UBTD1: variants seen among roughly 807,000 people sequenced by gnomAD.
UBTD1 encodes the protein ubiquitin domain-containing protein 1.
Under a neutral mutation model 21.7 loss-of-function variants are expected in UBTD1, and 19 were observed. That is an observed-to-expected ratio of 0.87 (90% confidence interval 0.61 to 1.28). UBTD1 has a LOEUF of 1.28. Among genes scored for constraint, UBTD1 ranks in the 50% most tolerant of loss-of-function variants. UBTD1 has a pLI of 0.00. For synonymous variants in UBTD1, 116 were observed against 135.1 expected, an observed-to-expected ratio of 0.86 and a Z score of 0.98; for missense variants, 282 against 315.1, an observed-to-expected ratio of 0.89 and a Z score of 0.80.
chr10:97,520,960 A>G (rs1467134859), intron 1 of UBTD1, among the ~76,000 whole-genome samples: 6 of 152,092 alleles, frequency 3.9e-5, no homozygotes, highest in African/African-American at 2.4e-5. Flanking sequence ...CCTTCTTCCC[A>G]TAGCAGATAT....
chr10:97,554,725 T>A (rs2135682549), intron 1 of UBTD1, among the ~76,000 whole-genome samples: 1 of 152,218 alleles, frequency 6.6e-6, no homozygotes, highest in East Asian at 1.9e-4. Context: ...TAATTTTTTT[T>A]ATTTTTTGTA....
chr10:97,549,255 C>T (rs1196857477), intron 1 of UBTD1, among the ~76,000 whole-genome samples: 2 of 152,242 alleles, frequency 1.3e-5, no homozygotes, highest in Non-Finnish European at 2.9e-5. Context: ...TGGACTCCCA[C>T]CTCCACCCAC....
chr10:97,505,144 A>C lies in UBTD1; in HGVS notation c.70+5871A>C, dbSNP rs114153701. Among the ~76,000 whole-genome samples, 998 of 152,314 alleles carry C rather than the reference A, an allele frequency of 6.6e-3. 13 individuals carry two copies. Among genetic ancestry groups the C allele is most frequent in the African/African-American group, 0.023 (937 of 41,574 alleles). ...GAGGAAGTTAGGTGATGTGGATTCCAGGCATCTCTTACCCATCAACTTGCT... is the reference window on the plus strand; with the variant it reads ...GAGGAAGTTAGGTGATGTGGATTCCCGGCATCTCTTACCCATCAACTTGCT... On this transcript the variant is annotated intron_variant, in intron 1 of 2. Transcript: ENST00000370664.
chr10:97,570,804 C>T lies in UBTD1; in HGVS notation c.*281C>T. 7.2e-6 allele frequency: 3 copies of T among 418,828 alleles called. No homozygotes were observed. Among genetic ancestry groups the T allele is most frequent in the Non-Finnish European group, 1.3e-5 (3 of 229,876 alleles). 25.9% of individuals were successfully genotyped at this position (418,828 alleles called of 1,614,324 possible). On this transcript the variant is annotated 3_prime_UTR_variant, in exon 3 of 3. Transcript: ENST00000370664. This position sits in a 1 kb window ranked among gnomAD's most constrained non-coding sequence, Gnocchi z 6.6. The stretch of plus-strand genomic sequence containing the variant: ...AGCAGGTTCGAGCCACAAGGGCCAA[C>T]CAGGAGGCCCCTGGAGCCCAGATCT...
chr10:97,524,381 A>G (rs1280577479), intron 1 of UBTD1, among the ~76,000 whole-genome samples: 1 of 152,128 alleles, frequency 6.6e-6, no homozygotes, highest in African/African-American at 2.4e-5. Flanking sequence ...GATTACAAGC[A>G]TGAGCCACCA....
chr10:97,562,764 A>G (rs890201909), intron 1 of UBTD1, among the ~76,000 whole-genome samples: 1 of 152,198 alleles, frequency 6.6e-6, no homozygotes, highest in African/African-American at 2.4e-5. Context: ...TCTTTTGTAG[A>G]TCTTCAGTTC....
intron 1 of UBTD1, among the ~76,000 whole-genome samples, chr10:97,504,438 C>T (rs1252920193): frequency 6.6e-6 from 1 of 152,156 alleles, no homozygotes; most frequent in African/African-American, 2.4e-5. Context: ...CTTGTTCAAC[C>T]CCCCGATATC....
intron 1 of UBTD1, among the ~76,000 whole-genome samples, chr10:97,528,099 G>A (rs1418631413): frequency 6.8e-5 from 9 of 132,630 alleles, no homozygotes; most frequent in Admixed American, 5.0e-4. Flanking sequence ...CCTCCCTCCC[G>A]GACGGGGAGG....
intron 1 of UBTD1, among the ~76,000 whole-genome samples, chr10:97,515,688 G>A (rs1038544882): frequency 3.3e-5 from 5 of 152,056 alleles, no homozygotes; most frequent in Non-Finnish European, 7.4e-5. Flanking sequence ...GAGCCCACAC[G>A]GTCCCAAATG....
At chr10:97,509,158 C>T (rs1478639463) in intron 1 of UBTD1, among the ~76,000 whole-genome samples, 1 of 152,186 alleles carries the variant, frequency 6.6e-6, no homozygotes, top group Non-Finnish European at 1.5e-5. Flanking sequence ...ATTTGATCTC[C>T]ACAGCCATCC....
intron 1 of UBTD1, among the ~76,000 whole-genome samples, chr10:97,532,755 T>A (rs1474725886): frequency 6.6e-6 from 1 of 150,534 alleles, no homozygotes; most frequent in East Asian, 1.9e-4. Flanking sequence ...GTGCCACTGC[T>A]CTCCAGCCTG....
intron 1 of UBTD1, among the ~76,000 whole-genome samples, chr10:97,516,962 G>C (rs1019386370): frequency 9.9e-5 from 15 of 152,126 alleles, no homozygotes; most frequent in African/African-American, 3.1e-4. Flanking sequence ...CAGGGCCATG[G>C]AGGTGTGAGG....
chr10:97,566,459 CTG>C (rs2040717477), intron 1 of UBTD1, among the ~76,000 whole-genome samples: 2 of 152,140 alleles, frequency 1.3e-5, no homozygotes, highest in South Asian at 4.1e-4. Flanking sequence ...CTACAGGTAA[CTG>C]TGAATTCAGA....
At chr10:97,531,332 T>G (rs373409909) in intron 1 of UBTD1, among the ~76,000 whole-genome samples, 85 of 151,944 alleles carry the variant, frequency 5.6e-4, no homozygotes, top group African/African-American at 1.9e-3. Context: ...TGCCTCAGCC[T>G]CCTGAGCAGC....
chr10:97,507,231 A>G (rs904109136), intron 1 of UBTD1, among the ~76,000 whole-genome samples: 1 of 152,222 alleles, frequency 6.6e-6, no homozygotes, highest in Non-Finnish European at 1.5e-5. Flanking sequence ...TTGGTTTTAT[A>G]ATAGCCATCC....
intron 1 of UBTD1, among the ~76,000 whole-genome samples, chr10:97,532,875 G>A (rs1337660176): frequency 1.3e-5 from 2 of 152,092 alleles, no homozygotes; most frequent in African/African-American, 4.8e-5. Flanking sequence ...TTCTAATGTT[G>A]TGCTCTTATT....
At chr10:97,534,911 C>A (rs139912282) in intron 1 of UBTD1, among the ~76,000 whole-genome samples, 1 of 152,194 alleles carries the variant, frequency 6.6e-6, no homozygotes, top group Non-Finnish European at 1.5e-5. Flanking sequence ...CCCCACCAAG[C>A]GGCACTCAGC....
chr10:97,557,387 G>T (rs1049417482), intron 1 of UBTD1, among the ~76,000 whole-genome samples: 53 of 151,914 alleles, frequency 3.5e-4, no homozygotes, highest in African/African-American at 1.3e-3. Flanking sequence ...AGGGGTTTGT[G>T]ATTATCAATT....
rs141755092 is a variant in UBTD1 at position 97,538,934 on chromosome 10, G to T, written c.71-28980G>T. Among the ~76,000 whole-genome samples the T allele has an allele frequency of 2.5e-3, 382 of 152,298 alleles. 2 individuals carry two copies. The highest frequency in any genetic ancestry group is 8.7e-3 in the African/African-American group (362 of 41,562). ...GGATGTGAGTTGAGTCTTAGAGCTG[G>T]AACGGGCCCTGGGAACCATGTTACA... On this transcript the variant is annotated intron_variant, in intron 1 of 2. Coordinates refer to ENST00000370664, the MANE Select transcript of UBTD1 (RefSeq NM_024954.5).
Sources: allele counts gnomAD v4.1 joint callset (sites outside exome capture counted in the v4.1 genomes callset), GRCh38; gene constraint gnomAD v4.1.1; non-coding constraint Gnocchi (gnomAD v3.1); transcripts MANE v1.5; gene names NCBI Gene and HGNC (gene_info 2026-07-23, HGNC 2026-07-21).